Variants in DENND3 observed in about 807,000 individuals in gnomAD.
DENND3 encodes the protein DENN domain containing 3, also known as DENN domain-containing protein 3.
In DENND3, 88 loss-of-function variants were observed where a neutral mutation model predicts 135.1. The ratio of observed to expected loss-of-function variants is 0.65; its 90% CI spans 0.55 to 0.78. The LOEUF (loss-of-function observed/expected upper bound fraction) is 0.78, where lower values mean the gene tolerates loss of function less well. DENND3 is among the 30% of genes least tolerant of loss of function. The pLI is 0.00. For missense variants in DENND3, 1,392 were observed against 1,688.4 expected, an observed-to-expected ratio of 0.82 and a Z score of 3.08; for synonymous variants, 693 against 712.3, an observed-to-expected ratio of 0.97 and a Z score of 0.43.
At chr8:141,173,070 A>G (rs1465939460) in intron 13 of DENND3, among the ~76,000 whole-genome samples, 2 of 70,776 alleles carry the variant, frequency 2.8e-5, no homozygotes, top group Non-Finnish European at 5.8e-5. Context: ...ATTGGGTGCT[A>G]TTTCTAAAAC....
chr8:141,131,694 C>G (rs1816116933), intron 1 of DENND3, among the ~76,000 whole-genome samples: 2 of 152,316 alleles, frequency 1.3e-5, no homozygotes, highest in East Asian at 1.9e-4. Flanking sequence ...ACTGTGTACT[C>G]TAACTTAGAA....
chr8:141,186,805 C>T (rs1189927500), intron 18 of DENND3, among the ~76,000 whole-genome samples: 2 of 152,142 alleles, frequency 1.3e-5, no homozygotes, highest in Non-Finnish European at 2.9e-5. Context: ...TCCCTCCAGG[C>T]CCCCAGCGGC....
intron 19 of DENND3, among the ~76,000 whole-genome samples, chr8:141,189,484 T>C (rs936740670): frequency 6.6e-6 from 1 of 152,224 alleles, no homozygotes; most frequent in Non-Finnish European, 1.5e-5. Context: ...TGGACTCGCC[T>C]GATAATCGCC....
intron 17 of DENND3, 151 bp from the exon 18 acceptor site, chr8:141,184,988 C>T (rs1589706681): frequency 4.1e-6 from 4 of 969,778 alleles, no homozygotes; most frequent in East Asian, 5.0e-5. Context: ...GGCAGGGAAG[C>T]CTCTGCCTGG....
At chr8:141,155,513 C>G (rs1294889905) in intron 7 of DENND3, among the ~76,000 whole-genome samples, 1 of 152,152 alleles carries the variant, frequency 6.6e-6, no homozygotes, top group Non-Finnish European at 1.5e-5. Context: ...AAGGGATCCT[C>G]CTGCCTCAGC....
rs1821103718 is a variant in DENND3, at chr8:141,168,604, C to G, written c.2275+79C>G. ...GCTCTGTCGCCCAGGCTGGAGTGGA[C>G]TGGCAATCACAGCTCACTGCAACCT... is the stretch of plus-strand genomic sequence containing the variant. On this transcript the variant is annotated intron_variant, in intron 13 of 22. Transcript: ENST00000519811. This position sits in a 1 kb window ranked among gnomAD's most constrained non-coding sequence, Gnocchi z 6.2. 1.3e-6 allele frequency: 2 copies of G among 1,488,506 alleles called. No individual in the cohort carries two copies. The highest frequency in any genetic ancestry group is 2.7e-5 in the South Asian group (2 of 73,312). 92.2% of individuals were successfully genotyped at this position (1,488,506 alleles called of 1,614,324 possible).
chr8:141,143,275 A>T (rs1227418189), intron 4 of DENND3, among the ~76,000 whole-genome samples: 4 of 151,866 alleles, frequency 2.6e-5, no homozygotes, highest in South Asian at 2.1e-4. Context: ...TTTTTTTTAA[A>T]TTTTTTTTTA....
rs767503171 is a variant in DENND3, at chr8:141,151,683, C to T, written c.920C>T (p.Thr307Met). ...VFFSSDWALL[T>M]LVTECFMAYL... ...TTCTCCTCGGACTGGGCTCTGCTGA[C>T]GCTGGTCACTGAGTGCTTCATGGCC... The change falls in exon 7 of 23, where the codon ACG (threonine) becomes ATG (methionine). Residue 307 changes from threonine (T) to methionine (M), a missense_variant. Thr to Met is a moderately conservative substitution (Grantham distance 81). Transcript: ENST00000519811. 11 of 1,614,084 alleles carry T rather than the reference C, an allele frequency of 6.8e-6. No homozygotes were observed. Among genetic ancestry groups the T allele is most frequent in the Non-Finnish European group, 8.5e-6 (10 of 1,180,028 alleles).
Position 141,194,401 on chromosome 8 carries a change from TTCTCTCAGGCCTTCGGGCCCCC to T in DENND3, c.*170_*191del. 1 of 739,558 alleles carries T rather than the reference TTCTCTCAGGCCTTCGGGCCCCC, an allele frequency of 1.4e-6. No individual in the cohort carries two copies. The highest frequency in any genetic ancestry group is 1.8e-5 in the South Asian group (1 of 54,780). 45.8% of individuals were successfully genotyped at this position (739,558 alleles called of 1,614,324 possible). On this transcript the variant is annotated 3_prime_UTR_variant, in exon 23 of 23. Transcript: ENST00000519811. Reference sequence around the variant, plus strand: ...GCCGCGAGACCCATGGCCACGCACCTTCTCTCAGGCCTTCGGGCCCCCTGGTTAAACTGCACCAAGGGTGTTT... The same window carrying T: ...GCCGCGAGACCCATGGCCACGCACCTTGGTTAAACTGCACCAAGGGTGTTT...
At chr8:141,131,235 ACCCCTTTACTATAGAG>A (rs1816052558) in intron 1 of DENND3, among the ~76,000 whole-genome samples, 2 of 151,846 alleles carry the variant, frequency 1.3e-5, no homozygotes, top group South Asian at 4.2e-4. Context: ...ATTCCCCTCC[ACCCCTTTACTATAGAG>A]CCCTCCCCAA....
At chr8:141,140,997 T>C (rs1817383392) in intron 3 of DENND3, among the ~76,000 whole-genome samples, 1 of 152,262 alleles carries the variant, frequency 6.6e-6, no homozygotes, top group Non-Finnish European at 1.5e-5. Context: ...TTGCTCTCTT[T>C]ATAGCCTCAG....
intron 20 of DENND3, 21 bp from the exon 21 acceptor site, chr8:141,192,310 C>G (rs1391048910): frequency 6.2e-7 from 1 of 1,613,314 alleles, no homozygotes; most frequent in East Asian, 2.2e-5. Flanking sequence ...CTGGCCCCAT[C>G]CTAGCTCCTT....
chr8:141,190,152 T>C (rs1290308462), intron 19 of DENND3, 132 bp from the exon 20 acceptor site: 4 of 1,219,180 alleles, frequency 3.3e-6, no homozygotes, highest in Non-Finnish European at 4.3e-6. Context: ...TGCATGTTAT[T>C]ATCATGTTTG....
chr8:141,174,033 G>A lies in DENND3; in HGVS notation c.2276-1167G>A, dbSNP rs1260588602. On this transcript the variant is annotated intron_variant, in intron 13 of 22. Coordinates refer to ENST00000519811, the MANE Select transcript of DENND3 (RefSeq NM_001352890.3). The surrounding 1 kb of genome is among the most constrained non-coding windows in gnomAD (Gnocchi z 4.6). Reference sequence around the variant, plus strand: ...TGGCCAGGATGTCTCTGCCTTATCGGGGAAGGCGTGCGTGGGCATGCCTAC... The same window carrying A: ...TGGCCAGGATGTCTCTGCCTTATCGAGGAAGGCGTGCGTGGGCATGCCTAC... 3.3e-5 allele frequency among the ~76,000 whole-genome samples: 5 copies of A among 152,284 alleles called. No individual in the cohort carries two copies. The highest frequency in any genetic ancestry group is 1.2e-4 in the African/African-American group (5 of 41,540).
At chr8:141,148,190 G>A (rs986921183) in intron 5 of DENND3, among the ~76,000 whole-genome samples, 3 of 152,176 alleles carry the variant, frequency 2.0e-5, no homozygotes, top group South Asian at 4.1e-4. Context: ...ATGCGTGTGT[G>A]TGCGTTCCTC....
chr8:141,189,216 G>A (rs1824350892), intron 19 of DENND3, 70 bp downstream of exon 19: 2 of 1,602,730 alleles, frequency 1.2e-6, no homozygotes, highest in Admixed American at 1.7e-5. Flanking sequence ...AGCGGGTAGG[G>A]TTCCCAAGTC....
rs1817259459 is a variant in DENND3 at position 141,139,966 on chromosome 8, G to A, written c.502-1237G>A. On this transcript the variant is annotated intron_variant, in intron 3 of 22. Coordinates refer to ENST00000519811, the MANE Select transcript of DENND3 (RefSeq NM_001352890.3). The surrounding 1 kb of genome is among the most constrained non-coding windows in gnomAD (Gnocchi z 4.2). ...TGTGTCACCCAGGCTTTAGTGCAGC[G>A]GTGTGATCACGGCTCACTGCAGCCT... Among the ~76,000 whole-genome samples, 1 of 151,588 alleles carries A rather than the reference G, an allele frequency of 6.6e-6. No homozygotes were observed. The highest frequency in any genetic ancestry group is 2.4e-5 in the African/African-American group (1 of 41,192).
At chr8:141,172,971 A>T (rs1052672118) in intron 13 of DENND3, among the ~76,000 whole-genome samples, 2 of 85,070 alleles carry the variant, frequency 2.4e-5, no homozygotes, top group Non-Finnish European at 4.9e-5. Flanking sequence ...AAATCCAGCA[A>T]CTCAGAACCC....
In DENND3 at chr8:141,168,428, G is replaced by A. The variant is rs370132292; in HGVS notation, c.2178G>A (p.Lys726=). ...DHVKKFKLPK[K]HMQLGDFMKR... ...TGAAGAAGTTCAAGCTGCCCAAGAA[G>A]CACATGCAGCTGGGCGACTTCATGA... Residue 726 remains lysine (K), a synonymous_variant, in exon 13 of 23, where the codon AAG becomes AAA. Transcript: ENST00000519811. This position sits in a 1 kb window ranked among gnomAD's most constrained non-coding sequence, Gnocchi z 6.2. The A allele has an allele frequency of 3.0e-5, 49 of 1,613,784 alleles. No individual in the cohort carries two copies. Among genetic ancestry groups the A allele is most frequent in the Non-Finnish European group, 3.6e-5 (43 of 1,180,054 alleles).
Sources: allele counts gnomAD v4.1 joint callset (sites outside exome capture counted in the v4.1 genomes callset), GRCh38; gene constraint gnomAD v4.1.1; non-coding constraint Gnocchi (gnomAD v3.1); transcripts MANE v1.5; gene names NCBI Gene and HGNC (gene_info 2026-07-23, HGNC 2026-07-21).